Variants in ACLY observed in about 807,000 individuals in gnomAD.
ACLY encodes ATP-citrate synthase.
ACLY carries 41 observed loss-of-function variants against 133.0 expected under a neutral mutation model. The observed-to-expected ratio is 0.31, with a 90% confidence interval of 0.24 to 0.40. The LOEUF (loss-of-function observed/expected upper bound fraction) is 0.40. Among genes scored for constraint, ACLY ranks in the 10% least tolerant of loss-of-function variants. The pLI is 1.00. For missense variants in ACLY, 1,046 were observed against 1,453.8 expected (o/e 0.72, Z 4.56); for synonymous variants, 495 against 549.3 (o/e 0.90, Z 1.38).
intron 1 of ACLY, among the ~76,000 whole-genome samples, chr17:41,927,812 T>A (rs2050260967): frequency 7.1e-6 from 1 of 140,970 alleles, no homozygotes; most frequent in Non-Finnish European, 1.5e-5. Context: ...GGTGACAGAG[T>A]GAGACTCCAT....
At chr17:41,901,911 G>A (rs2049552058) in intron 10 of ACLY, 98 bp from the exon 11 acceptor site, 1 of 930,410 alleles carries the variant, frequency 1.1e-6, no homozygotes, top group African/African-American at 1.7e-5. Context: ...TGTGACAAGT[G>A]CTGCTCCTCA....
At chr17:41,899,612 C>CT (rs1244768739) in intron 11 of ACLY, among the ~76,000 whole-genome samples, 1 of 152,194 alleles carries the variant, frequency 6.6e-6, no homozygotes, top group Non-Finnish European at 1.5e-5. Context: ...TCCCCTCCTC[C>CT]TTGTACAGAC....
At position 41,930,511 on chromosome 17, in the gene ACLY, A is replaced by G. The variant is rs531933158; in HGVS notation, c.-181T>C. On this transcript the variant is annotated 5_prime_UTR_variant, in exon 1 of 4. Coordinates refer to the ACLY transcript ENST00000592970. ...TAACCAGCCCAGCCGTCAGCCACGC[A>G]ATCATCACTCCCTGGCCCAGTGCGC... The G allele has an allele frequency of 3.7e-5, 19 of 515,118 alleles. No individual in the cohort carries two copies. In the Admixed American group the frequency reaches 3.7e-4, roughly 10 times the overall value. The allele number at this position is 515,118 out of a possible 1,614,324, so 31.9% of individuals were successfully genotyped here. A position where few individuals can be genotyped will look rare whatever the true frequency, so the allele number is the denominator to read the frequency against.
chr17:41,868,842 A>G, intron 27 of ACLY, 57 bp from the exon 28 acceptor site: 1 of 1,528,976 alleles, frequency 6.5e-7, no homozygotes, highest in South Asian at 1.1e-5. Flanking sequence ...CCTCCTCCCC[A>G]CAGACAGTAC....
At chr17:41,885,962 A>C in intron 18 of ACLY, 150 bp downstream of exon 18, 1 of 767,758 alleles carries the variant, frequency 1.3e-6, no homozygotes, top group Non-Finnish European at 2.2e-6. Flanking sequence ...GTCCTGAGAC[A>C]AGAGCAGTGA....
At chr17:41,885,637 T>G (rs560312955) in intron 18 of ACLY, among the ~76,000 whole-genome samples, 1 of 152,200 alleles carries the variant, frequency 6.6e-6, no homozygotes, top group Non-Finnish European at 1.5e-5. Context: ...GACACTTATA[T>G]GTATTACAAT....
intron 10 of ACLY, 53 bp from the exon 11 acceptor site, chr17:41,901,866 A>G: frequency 7.3e-7 from 1 of 1,367,264 alleles, no homozygotes; most frequent in Non-Finnish European, 1.0e-6. Flanking sequence ...CAAGTCAATG[A>G]TTTATAACCG....
intron 17 of ACLY, among the ~76,000 whole-genome samples, chr17:41,887,167 G>A (rs569260133): frequency 7.1e-6 from 1 of 141,378 alleles, no homozygotes; most frequent in East Asian, 2.1e-4. Context: ...GGCCAAACAC[G>A]GTGGCTCACA....
Position 41,867,156 on chromosome 17 carries a change from A to C in ACLY, c.*654T>G, listed in dbSNP as rs1555623988. The C allele has an allele frequency of 6.5e-6, 1 of 152,688 alleles. No individual in the cohort carries two copies. Among genetic ancestry groups the C allele is most frequent in the Admixed American group, 6.5e-5 (1 of 15,276 alleles). 9.5% of individuals were successfully genotyped at this position (152,688 alleles called of 1,614,324 possible). A position where few individuals can be genotyped will look rare whatever the true frequency, so the allele number is the denominator to read the frequency against. On this transcript the variant is annotated 3_prime_UTR_variant, in exon 29 of 29. Coordinates refer to ENST00000352035, the MANE Select transcript of ACLY (RefSeq NM_001096.3). ...TTAAATGTATGTATGTTACAACTTTACATATTAAGTTACTACTCCACATAT... is the reference window on the plus strand; with the variant it reads ...TTAAATGTATGTATGTTACAACTTTCCATATTAAGTTACTACTCCACATAT...
At chr17:41,900,088 A>AAAAAAAAAAAAAAAAAC (rs2049491090) in intron 11 of ACLY, among the ~76,000 whole-genome samples, 1 of 144,364 alleles carries the variant, frequency 6.9e-6, no homozygotes, top group Non-Finnish European at 1.5e-5. Context: ...AAAAAAAAAA[A>AAAAAAAAAAAAAAAAAC]AAAAAAAATT....
intron 28 of ACLY, 83 bp from the exon 29 acceptor site, chr17:41,867,987 AAC>A (rs2048505574): frequency 1.0e-6 from 1 of 977,714 alleles, no homozygotes; most frequent in Non-Finnish European, 1.5e-6. Context: ...AAATCTTTCT[AAC>A]ACACAAAAAA....
At chr17:41,914,521 G>C (rs1467923038) in intron 1 of ACLY, among the ~76,000 whole-genome samples, 4 of 152,184 alleles carry the variant, frequency 2.6e-5, no homozygotes, top group African/African-American at 7.2e-5. Context: ...GAGTAGGGGA[G>C]GGGGGAGGAT....
chr17:41,906,756 T>C, intron 7 of ACLY, 110 bp from the exon 8 acceptor site: 1 of 1,008,126 alleles, frequency 9.9e-7, no homozygotes, highest in East Asian at 2.4e-5. Context: ...GGTGCCTTAA[T>C]GGGGTGGGAA....
At chr17:41,904,004 G>C (rs2049617546) in intron 10 of ACLY, among the ~76,000 whole-genome samples, 1 of 151,066 alleles carries the variant, frequency 6.6e-6, no homozygotes, top group East Asian at 2.0e-4. Flanking sequence ...GTAATCCCAG[G>C]TACTCAGGAG....
chr17:41,874,922 C>CAAAA (rs76281431), intron 22 of ACLY, among the ~76,000 whole-genome samples: 5 of 128,146 alleles, frequency 3.9e-5, no homozygotes, highest in African/African-American at 1.2e-4. Context: ...TGTGTTATAG[C>CAAAA]AAAAAAAAAA....
chr17:41,870,875 T>C (rs2048580409), intron 25 of ACLY, among the ~76,000 whole-genome samples: 1 of 152,220 alleles, frequency 6.6e-6, no homozygotes. Flanking sequence ...ATTGCTGTTA[T>C]CCTGCTGACG....
intron 1 of ACLY, among the ~76,000 whole-genome samples, chr17:41,926,167 A>C (rs1474312532): frequency 6.6e-6 from 1 of 152,040 alleles, no homozygotes; most frequent in Non-Finnish European, 1.5e-5. Context: ...TTATTTACTT[A>C]TGTTCTATTT....
At chr17:41,905,220 C>T (rs782274064) in intron 9 of ACLY, among the ~76,000 whole-genome samples, 6 of 152,180 alleles carry the variant, frequency 3.9e-5, no homozygotes, top group Non-Finnish European at 5.9e-5. Context: ...TTATCGCAAT[C>T]GGATAAACTG....
intron 25 of ACLY, among the ~76,000 whole-genome samples, chr17:41,870,959 G>A (rs1334828261): frequency 1.3e-5 from 2 of 152,224 alleles, no homozygotes; most frequent in Non-Finnish European, 2.9e-5. Context: ...CAAACCCTCA[G>A]TGGATGTAGT....
Sources: allele counts gnomAD v4.1 joint callset (sites outside exome capture counted in the v4.1 genomes callset), GRCh38; gene constraint gnomAD v4.1.1; transcripts MANE v1.5; gene names NCBI Gene and HGNC (gene_info 2026-07-23, HGNC 2026-07-21).